The following MAPK10 variants were observed in gnomAD, a reference collection of about 807,000 sequenced individuals.
The protein encoded by MAPK10 is JNK3 alpha protein kinase.
MAPK10 carries 25 observed loss-of-function variants against 59.3 expected under a neutral mutation model. The ratio of observed to expected loss-of-function variants is 0.42; its 90% CI spans 0.31 to 0.59. The LOEUF is 0.59. MAPK10 is among the 20% of genes least tolerant of loss of function. MAPK10 has a pLI of 0.15. For missense variants in MAPK10, 351 were observed against 568.9 expected (o/e 0.62, Z 3.90); for synonymous variants, 190 against 200.5 (o/e 0.95, Z 0.44).
At chr4:86,150,847 G>A (rs2066265174) in intron 4 of MAPK10, among the ~76,000 whole-genome samples, 2 of 152,118 alleles carry the variant, frequency 1.3e-5, no homozygotes, top group Non-Finnish European at 2.9e-5. Flanking sequence ...GGGCGACAGA[G>A]TGAGACTCCG....
chr4:86,389,571 G>A (rs564636912), intron 1 of MAPK10, among the ~76,000 whole-genome samples: 1 of 152,010 alleles, frequency 6.6e-6, no homozygotes, highest in Non-Finnish European at 1.5e-5. Context: ...TGTGATTGGC[G>A]GTCCAACTAT....
At chr4:86,552,471 G>A (rs1377622583) in intron 1 of MAPK10, among the ~76,000 whole-genome samples, 102 of 43,420 alleles carry the variant, frequency 2.3e-3, no homozygotes, top group Middle Eastern at 9.1e-3. Flanking sequence ...GAGGGAGGGA[G>A]GGAGGGAGGG....
intron 1 of MAPK10, among the ~76,000 whole-genome samples, chr4:86,417,107 G>T (rs1383500157): frequency 2.0e-5 from 3 of 152,168 alleles, no homozygotes; most frequent in Non-Finnish European, 2.9e-5. Context: ...GGTACTCATA[G>T]AATTAGTAAA....
intron 1 of MAPK10, among the ~76,000 whole-genome samples, chr4:86,521,468 C>A (rs991475054): frequency 1.3e-5 from 2 of 152,024 alleles, no homozygotes; most frequent in Non-Finnish European, 2.9e-5. Context: ...CTGGGTGAGG[C>A]TTGTTGTGGC....
intron 4 of MAPK10, among the ~76,000 whole-genome samples, chr4:86,136,798 T>G (rs2062253116): frequency 6.6e-6 from 1 of 151,628 alleles, no homozygotes; most frequent in Non-Finnish European, 1.5e-5. Context: ...CCATCTCACG[T>G]GCAGAGACAC....
chr4:86,335,143 T>A (rs190065806), intron 2 of MAPK10: 2 of 152,292 alleles, frequency 1.3e-5, no homozygotes, highest in East Asian at 3.9e-4. Flanking sequence ...CGCCTCTAAT[T>A]TCATCTCCAT....
chr4:86,408,121 A>G (rs79404386), intron 1 of MAPK10, among the ~76,000 whole-genome samples: 3 of 136,098 alleles, frequency 2.2e-5, no homozygotes, highest in East Asian at 2.1e-4. Context: ...TCATTGTTCA[A>G]CTCCCATCTA....
At chr4:86,076,107 T>C (rs1223259671) in intron 9 of MAPK10, among the ~76,000 whole-genome samples, 2 of 152,172 alleles carry the variant, frequency 1.3e-5, no homozygotes, top group Non-Finnish European at 2.9e-5. Flanking sequence ...TGCGCTGCTT[T>C]TTAAGCCGGT....
intron 1 of MAPK10, among the ~76,000 whole-genome samples, chr4:86,554,091 G>T (rs1264923863): frequency 6.6e-6 from 1 of 151,980 alleles, no homozygotes; most frequent in Non-Finnish European, 1.5e-5. Context: ...GGACGAGGGG[G>T]TAGTCATGGG....
chr4:86,176,734 C>A (rs2075766732), intron 3 of MAPK10, among the ~76,000 whole-genome samples: 1 of 151,852 alleles, frequency 6.6e-6, no homozygotes, highest in Non-Finnish European at 1.5e-5. Flanking sequence ...CTGTGGATAC[C>A]CAGAAAAAAC....
chr4:86,454,041 A>C (rs1751013336), upstream of MAPK10, among the ~76,000 whole-genome samples: 2 of 152,172 alleles, frequency 1.3e-5, no homozygotes, highest in South Asian at 4.2e-4. Context: ...GGCTTTCAGG[A>C]AGCCACATCC....
chr4:86,537,200 G>C (rs1367415650), intron 1 of MAPK10, among the ~76,000 whole-genome samples: 2 of 152,096 alleles, frequency 1.3e-5, no homozygotes. Context: ...AAGGCAGAGT[G>C]GTGCATATGA....
intron 1 of MAPK10, among the ~76,000 whole-genome samples, chr4:86,471,479 T>G (rs565642765): frequency 3.3e-5 from 5 of 152,298 alleles, no homozygotes; most frequent in African/African-American, 1.2e-4. Context: ...CTCAAAATAA[T>G]TGGCCTCTCA....
intron 1 of MAPK10, among the ~76,000 whole-genome samples, chr4:86,409,912 GC>G (rs2149026000): frequency 6.6e-6 from 1 of 152,234 alleles, no homozygotes; most frequent in East Asian, 1.9e-4. Flanking sequence ...TTGCCTGATT[GC>G]CCTAGCCAGA....
chr4:86,409,368 G>A (rs1337361027), intron 1 of MAPK10, among the ~76,000 whole-genome samples: 1 of 152,144 alleles, frequency 6.6e-6, no homozygotes, highest in Non-Finnish European at 1.5e-5. Flanking sequence ...GCTTAGGATT[G>A]TCTTGGCTAT....
At position 86,017,392 on chromosome 4, in the gene MAPK10, C is replaced by T; in HGVS notation, c.1253-22G>A. On this transcript the variant is annotated intron_variant, in intron 13 of 13. Transcript: ENST00000641462. This position sits in a 1 kb window ranked among gnomAD's most constrained non-coding sequence, Gnocchi z 4.4. ...GCACCTGTGCTAAGAAAATGAAGAC[C>T]AACATGACTCAATCTAGAACCAGAC... is the stretch of plus-strand genomic sequence containing the variant. 2 of 1,613,320 alleles carry T rather than the reference C, an allele frequency of 1.2e-6. No homozygotes were observed. Among genetic ancestry groups the T allele is most frequent in the Non-Finnish European group, 1.7e-6 (2 of 1,179,550 alleles).
At chr4:86,476,585 A>G (rs991521395) in intron 1 of MAPK10, among the ~76,000 whole-genome samples, 9 of 152,192 alleles carry the variant, frequency 5.9e-5, no homozygotes, top group Non-Finnish European at 1.2e-4. Context: ...CTCAATATGC[A>G]TTTTATTTTA....
At chr4:86,139,332 G>A (rs2063047368) in intron 4 of MAPK10, among the ~76,000 whole-genome samples, 1 of 151,000 alleles carries the variant, frequency 6.6e-6, no homozygotes, top group Non-Finnish European at 1.5e-5. Flanking sequence ...TACCAAAACA[G>A]AGATGTAGAT....
At chr4:86,090,099 G>C (rs984055771) in intron 9 of MAPK10, among the ~76,000 whole-genome samples, 1 of 152,082 alleles carries the variant, frequency 6.6e-6, no homozygotes, top group Non-Finnish European at 1.5e-5. Flanking sequence ...GCGCACAGAG[G>C]GAGGGGCAAA....
Sources: gnomAD v4.1 joint callset for allele counts (sites outside exome capture counted in the v4.1 genomes callset) on GRCh38, gnomAD v4.1.1 for gene constraint, Gnocchi (gnomAD v3.1) non-coding constraint, MANE v1.5 for transcripts, NCBI Gene and HGNC (gene_info 2026-07-23, HGNC 2026-07-21) for gene names.